SERINC5: variants seen among roughly 807,000 people sequenced by gnomAD.
SERINC5 encodes the protein chromosome 5 open reading frame 12.
SERINC5 carries 41 observed loss-of-function variants against 63.1 expected under a neutral mutation model. The ratio of observed to expected loss-of-function variants is 0.65; its 90% CI spans 0.51 to 0.84. The LOEUF is 0.84. SERINC5 is among the 40% of genes least tolerant of loss of function. The probability of loss-of-function intolerance (pLI) is 0.00; values close to 1 mark genes in which losing one functional copy is unlikely to be tolerated. For synonymous variants in SERINC5, 222 were observed against 215.2 expected (o/e 1.03, Z -0.28); for missense variants, 523 against 573.0 (o/e 0.91, Z 0.89).
chr5:80,144,349 T>C (rs1191961715), intron 11 of SERINC5, among the ~76,000 whole-genome samples: 1 of 152,192 alleles, frequency 6.6e-6, no homozygotes, highest in Admixed American at 6.5e-5. Flanking sequence ...TAGTTTTCTT[T>C]TTGTCTTAGG....
chr5:80,116,173 C>G, intron 11 of SERINC5: 1 of 393,272 alleles, frequency 2.5e-6, no homozygotes, highest in East Asian at 7.2e-5. Flanking sequence ...CATCTTGTCT[C>G]TCTTCCCTGG....
rs370179685 is a variant in SERINC5 at position 80,202,981 on chromosome 5, T to C, written c.100A>G (p.Ser34Gly). The C allele has an allele frequency of 1.3e-5, 21 of 1,613,442 alleles. No homozygotes were observed. The South Asian group carries it at 1.9e-4, about 14-fold the overall frequency. Reference protein sequence around the residue: ...DCCPRIRQSLSTRFMYALYFI... With the variant: ...DCCPRIRQSLGTRFMYALYFI... ...TAGAGGGCGTACATGAAGCGGGTGC[T>C]GAGGGACTGCCGAATCCTGGGGCAG... The change falls in exon 2 of 12, where the codon AGC (serine) becomes GGC (glycine). Residue 34 changes from serine (S) to glycine (G), a missense_variant. Coordinates refer to ENST00000507668, the MANE Select transcript of SERINC5 (RefSeq NM_001174072.3).
chr5:80,127,873 A>C (rs928562647), intron 11 of SERINC5, among the ~76,000 whole-genome samples: 1 of 152,214 alleles, frequency 6.6e-6, no homozygotes, highest in Non-Finnish European at 1.5e-5. Context: ...AAAACAACAA[A>C]GCAGACTCAC....
At chr5:80,138,144 G>A (rs905678788), downstream of SERINC5, among the ~76,000 whole-genome samples, 1 of 151,782 alleles carries the variant, frequency 6.6e-6, no homozygotes, top group African/African-American at 2.4e-5. Flanking sequence ...GAGATGCAGA[G>A]TGTAAAGGTG....
At chr5:80,232,088 C>G (rs1267915667) in intron 1 of SERINC5, among the ~76,000 whole-genome samples, 1 of 125,782 alleles carries the variant, frequency 8.0e-6, no homozygotes, top group Non-Finnish European at 1.6e-5. Flanking sequence ...AGAAACAGAC[C>G]AAGATTCTGT....
chr5:80,197,608 G>C (rs1749592482), intron 2 of SERINC5, among the ~76,000 whole-genome samples: 1 of 152,130 alleles, frequency 6.6e-6, no homozygotes, highest in Non-Finnish European at 1.5e-5. Flanking sequence ...AGGGGAGAAA[G>C]TGGGGGCTGC....
chr5:80,255,579 G>A (rs993608130), intron 1 of SERINC5, among the ~76,000 whole-genome samples: 11 of 152,196 alleles, frequency 7.2e-5, no homozygotes, highest in Non-Finnish European at 1.6e-4. Flanking sequence ...ACCAGTGCTC[G>A]GCGCAAGAGG....
intron 2 of SERINC5, among the ~76,000 whole-genome samples, chr5:80,179,883 T>C (rs1748307586): frequency 6.6e-6 from 1 of 152,224 alleles, no homozygotes; most frequent in Admixed American, 6.5e-5. Context: ...CCAATTTACA[T>C]CCTACCAGTA....
In SERINC5 at chr5:80,256,046, C is replaced by A. The variant is rs1429680035; in HGVS notation, c.-124G>T. The stretch of plus-strand genomic sequence containing the variant: ...ACACTTGAACGAAGATCAGCCTCGG[C>A]GAAGCGCCTAGGCGCCGAGGCCTGG... On this transcript the variant is annotated 5_prime_UTR_variant, in exon 1 of 12. Coordinates refer to ENST00000507668, the MANE Select transcript of SERINC5 (RefSeq NM_001174072.3). 2 of 1,082,940 alleles carry A rather than the reference C, an allele frequency of 1.8e-6. No homozygotes were observed. Among genetic ancestry groups the A allele is most frequent in the South Asian group, 3.6e-5 (2 of 55,380 alleles). 67.1% of individuals were successfully genotyped at this position (1,082,940 alleles called of 1,614,324 possible).
chr5:80,214,094 T>G (rs553974275), intron 1 of SERINC5, among the ~76,000 whole-genome samples: 210 of 152,306 alleles, frequency 1.4e-3, no homozygotes, highest in Non-Finnish European at 2.6e-3. Context: ...TTGTAGAATA[T>G]AATACACCCA....
intron 7 of SERINC5, among the ~76,000 whole-genome samples, chr5:80,165,808 C>A (rs1747255550): frequency 6.6e-6 from 1 of 152,150 alleles, no homozygotes; most frequent in Admixed American, 6.5e-5. Context: ...AACTCCACAG[C>A]CAAACCTTTC....
intron 11 of SERINC5, among the ~76,000 whole-genome samples, chr5:80,118,275 C>T (rs1473804417): frequency 1.5e-4 from 23 of 152,126 alleles, no homozygotes; most frequent in African/African-American, 4.8e-4. Flanking sequence ...AATTTCATTA[C>T]GTCTGCAAAG....
chr5:80,246,210 A>G (rs1266496271), intron 1 of SERINC5, among the ~76,000 whole-genome samples: 3 of 152,202 alleles, frequency 2.0e-5, no homozygotes, highest in Non-Finnish European at 4.4e-5. Context: ...GGGGTGAACC[A>G]CACTCACCAA....
chr5:80,123,326 CA>C (rs1175743079), intron 11 of SERINC5, among the ~76,000 whole-genome samples: 7 of 152,194 alleles, frequency 4.6e-5, no homozygotes, highest in African/African-American at 1.2e-4. Context: ...AGGCTGGTCT[CA>C]AACTCCTGGC....
intron 1 of SERINC5, among the ~76,000 whole-genome samples, chr5:80,249,363 T>A (rs1554072747): frequency 6.6e-6 from 1 of 150,978 alleles, no homozygotes; most frequent in Non-Finnish European, 1.5e-5. Context: ...ACTATCTACA[T>A]ATGAATGTAA....
intron 5 of SERINC5, among the ~76,000 whole-genome samples, chr5:80,171,902 A>ACCCC (rs1747691775): frequency 6.6e-6 from 1 of 152,144 alleles, no homozygotes; most frequent in Non-Finnish European, 1.5e-5. Context: ...AGACAAAAAA[A>ACCCC]GAAAGGAAAG....
At chr5:80,251,081 T>C (rs1752391334) in intron 1 of SERINC5, among the ~76,000 whole-genome samples, 1 of 152,294 alleles carries the variant, frequency 6.6e-6, no homozygotes, top group South Asian at 2.1e-4. Flanking sequence ...TGAGTTTTAC[T>C]AGCCTGGGCA....
chr5:80,151,510 ATAAT>A (rs1746178294), intron 8 of SERINC5, among the ~76,000 whole-genome samples: 1 of 152,252 alleles, frequency 6.6e-6, no homozygotes, highest in Non-Finnish European at 1.5e-5. Context: ...ATGGGGCAAA[ATAAT>A]TTATTTTTCC....
intron 1 of SERINC5, among the ~76,000 whole-genome samples, chr5:80,251,279 AATACATACATGCATACATAC>A (rs1192371327): frequency 0.011 from 1,480 of 133,872 alleles, 27 homozygotes; most frequent in African/African-American, 0.04. Flanking sequence ...CCCATCTTTA[AATACATACATGCATACATAC>A]ATACATACAT....
Sources: allele counts gnomAD v4.1 joint callset (sites outside exome capture counted in the v4.1 genomes callset), GRCh38; gene constraint gnomAD v4.1.1; transcripts MANE v1.5; gene names NCBI Gene and HGNC (gene_info 2026-07-23, HGNC 2026-07-21).